PSEN2: variants seen among roughly 807,000 people sequenced by gnomAD.
PSEN2 encodes presenilin-2.
In PSEN2, 32 loss-of-function variants were observed where a neutral mutation model predicts 49.1. That is an observed-to-expected ratio of 0.65 (90% CI 0.49 to 0.88). PSEN2 has a LOEUF of 0.88. PSEN2 is among the 40% of genes least tolerant of loss of function. PSEN2 has a pLI of 0.00. For synonymous variants in PSEN2, 255 were observed against 244.0 expected, an observed-to-expected ratio of 1.05 and a Z score of -0.42; for missense variants, 522 against 586.9, an observed-to-expected ratio of 0.89 and a Z score of 1.14.
rs760376643 is a variant in PSEN2 at position 226,891,356 on chromosome 1, A to G, written c.965A>G (p.Glu322Gly). Residue 322 changes from glutamate to glycine, a missense_variant, in exon 10 of 13, where the codon GAG becomes GGG. Transcript: ENST00000366783. ...GCCCTCCAGCTCCCCTACGACCCGG[A>G]GATGGGTGAGTATCTTGGGGAGCTA... ...QGALQLPYDP[E>G]MEEDSYDSFG... 1.9e-6 allele frequency: 3 copies of G among 1,611,744 alleles called. No homozygotes were observed. The East Asian group carries it at 6.7e-5, about 36-fold the overall frequency.
intron 1 of PSEN2, chr1:226,871,014 C>G (rs920804925): frequency 4.6e-5 from 7 of 152,426 alleles, no homozygotes; most frequent in Middle Eastern, 3.4e-3. Context: ...GTTAAAGGGC[C>G]GGTGCATTTA....
chr1:226,901,203 A>C (rs527941229), downstream of PSEN2, among the ~76,000 whole-genome samples: 10 of 152,294 alleles, frequency 6.6e-5, no homozygotes, highest in East Asian at 1.9e-3. Flanking sequence ...TGGGAGGCCG[A>C]GGTGGGCGGG....
intron 11 of PSEN2, among the ~76,000 whole-genome samples, chr1:226,892,328 C>T (rs1661813643): frequency 6.6e-6 from 1 of 152,178 alleles, no homozygotes; most frequent in Admixed American, 6.5e-5. Flanking sequence ...GGAGCATTTC[C>T]TGACAGACAG....
rs1662105702 is a variant in PSEN2, at chr1:226,895,712, G to A, written c.*133G>A. The A allele has an allele frequency of 8.6e-7, 1 of 1,159,512 alleles. No individual in the cohort carries two copies. The highest frequency in any genetic ancestry group is 1.2e-6 in the Non-Finnish European group (1 of 823,312). The allele number at this position is 1,159,512 out of a possible 1,614,324, so 71.8% of individuals were successfully genotyped here. ...AAAATAAAGTACGTGTTTACTTGGT[G>A]AGGAGGAGGCAGAACCAGCTCTTTG... On this transcript the variant is annotated 3_prime_UTR_variant, in exon 13 of 13. Transcript: ENST00000366783.
At chr1:226,886,901 A>C (rs557331036) in intron 6 of PSEN2, among the ~76,000 whole-genome samples, 1 of 152,216 alleles carries the variant, frequency 6.6e-6, no homozygotes, top group African/African-American at 2.4e-5. Flanking sequence ...CAGGAGTTCA[A>C]GTCTAGCCTG....
intron 7 of PSEN2, 47 bp from the exon 8 acceptor site, chr1:226,888,781 TA>T (rs1224045685): frequency 1.3e-6 from 2 of 1,526,498 alleles, no homozygotes; most frequent in South Asian, 2.2e-5. Context: ...TGCTAGGCTG[TA>T]ATGCCTCCAC....
At chr1:226,902,440 A>G (rs1309034301) in intron 12 of PSEN2, among the ~76,000 whole-genome samples, 1 of 151,836 alleles carries the variant, frequency 6.6e-6, no homozygotes, top group Non-Finnish European at 1.5e-5. Context: ...AATGGGGAGG[A>G]TGGAGAGAAG....
chr1:226,899,543 C>T (rs1439274806), downstream of PSEN2: 2 of 152,206 alleles, frequency 1.3e-5, no homozygotes, highest in African/African-American at 4.8e-5. Flanking sequence ...TCCTGAGATG[C>T]TAGAGGCAGA....
At chr1:226,881,573 C>T (rs1033954052) in intron 3 of PSEN2, among the ~76,000 whole-genome samples, 4 of 152,172 alleles carry the variant, frequency 2.6e-5, no homozygotes, top group Admixed American at 1.3e-4. Flanking sequence ...ATAATAGATG[C>T]ACCACAGATG....
chr1:226,888,202 A>G (rs1021702255), intron 7 of PSEN2, 44 bp downstream of exon 7: 8 of 1,521,260 alleles, frequency 5.3e-6, no homozygotes, highest in Non-Finnish European at 7.3e-6. Context: ...GCCCCTCTCC[A>G]TGTGGCACAA....
At chr1:226,891,422 C>A in intron 10 of PSEN2, 61 bp downstream of exon 10, 1 of 1,444,506 alleles carries the variant, frequency 6.9e-7, no homozygotes, top group East Asian at 2.4e-5. Flanking sequence ...TACCTGCACC[C>A]AGCTCTGCTC....
At chr1:226,896,423 C>T (rs1459646887), downstream of PSEN2, among the ~76,000 whole-genome samples, 1 of 152,214 alleles carries the variant, frequency 6.6e-6, no homozygotes, top group Non-Finnish European at 1.5e-5. Flanking sequence ...CAAGTGTTCA[C>T]CCTCTGCAGA....
rs117368833 is a variant in PSEN2 at position 226,876,031 on chromosome 1, G to T, written c.-21+481G>T. On this transcript the variant is annotated intron_variant, in intron 3 of 12. Coordinates refer to ENST00000366783, the MANE Select transcript of PSEN2 (RefSeq NM_000447.3). ...CACTTCTCTAGAGAATGGGGTGCAG[G>T]GGGTGGGAGACGGGGAAAGCTGGTC... is the stretch of plus-strand genomic sequence containing the variant. Among the ~76,000 whole-genome samples the T allele has an allele frequency of 5.8e-3, 888 of 152,264 alleles. 28 individuals are homozygous for T. The highest frequency in any genetic ancestry group is 0.057 in the East Asian group (295 of 5,186).
intron 2 of PSEN2, among the ~76,000 whole-genome samples, chr1:226,873,373 T>C (rs1248720416): frequency 6.6e-6 from 1 of 152,172 alleles, no homozygotes; most frequent in East Asian, 1.9e-4. Flanking sequence ...TACTGGACTC[T>C]TTTTAAAATA....
chr1:226,883,846 G>T lies in PSEN2; in HGVS notation c.283G>T (p.Val95Phe). 1 of 1,614,018 alleles carries T rather than the reference G, an allele frequency of 6.2e-7. No individual in the cohort carries two copies. The highest frequency in any genetic ancestry group is 8.5e-7 in the Non-Finnish European group (1 of 1,180,014). ...AKHVIMLFVP[V>F]TLCMIVVVAT... ...GCACGTGATCATGCTGTTTGTGCCTGTCACTCTGTGCATGATCGTGGTGGT... is the reference window on the plus strand; with the variant it reads ...GCACGTGATCATGCTGTTTGTGCCTTTCACTCTGTGCATGATCGTGGTGGT... The change falls in exon 5 of 13, where the codon GTC becomes TTC. Residue 95 changes from valine (V) to phenylalanine (F), a missense_variant. Transcript: ENST00000366783.
At chr1:226,877,040 A>C (rs1558139136) in intron 3 of PSEN2, among the ~76,000 whole-genome samples, 1 of 152,056 alleles carries the variant, frequency 6.6e-6, no homozygotes, top group Non-Finnish European at 1.5e-5. Context: ...GAAAGTGTTC[A>C]TTGTCTCACT....
intron 3 of PSEN2, among the ~76,000 whole-genome samples, chr1:226,877,444 G>T (rs967510978): frequency 6.6e-6 from 1 of 152,188 alleles, no homozygotes; most frequent in Non-Finnish European, 1.5e-5. Context: ...AGCAGGTGCT[G>T]GTCCATCTCC....
chr1:226,881,213 G>C (rs1660964794), intron 3 of PSEN2, among the ~76,000 whole-genome samples: 1 of 152,078 alleles, frequency 6.6e-6, no homozygotes, highest in Non-Finnish European at 1.5e-5. Context: ...TTATAAACCT[G>C]GTTCAGATCT....
intron 3 of PSEN2, among the ~76,000 whole-genome samples, chr1:226,878,903 T>G (rs1477168060): frequency 6.6e-6 from 1 of 152,174 alleles, no homozygotes; most frequent in Non-Finnish European, 1.5e-5. Flanking sequence ...CCTCTTTGAG[T>G]AAGAGTGAAT....
Sources: allele counts gnomAD v4.1 joint callset (sites outside exome capture counted in the v4.1 genomes callset), GRCh38; gene constraint gnomAD v4.1.1; transcripts MANE v1.5; gene names NCBI Gene and HGNC (gene_info 2026-07-23, HGNC 2026-07-21).